The following EMB variants were observed in gnomAD, a reference collection of about 807,000 sequenced individuals.
EMB encodes the protein embigin homolog.
A neutral mutation model predicts 41.4 loss-of-function variants in EMB; 31 were observed. That is an observed-to-expected ratio of 0.75 (90% CI 0.56 to 1.01). EMB has a LOEUF of 1.01. Ranked by LOEUF, EMB falls within the 50% of genes least tolerant of loss-of-function variation. The pLI is 0.00. For missense variants in EMB, 379 were observed against 388.3 expected (o/e 0.98, Z 0.20); for synonymous variants, 137 against 140.4 (o/e 0.98, Z 0.17).
intron 4 of EMB, among the ~76,000 whole-genome samples, chr5:50,410,321 C>T (rs1241827299): frequency 3.9e-5 from 6 of 151,942 alleles, no homozygotes; most frequent in African/African-American, 1.2e-4. Flanking sequence ...ATGATGGTAA[C>T]AGTAAAATAT....
intron 6 of EMB, among the ~76,000 whole-genome samples, chr5:50,402,715 G>A (rs1452751290): frequency 3.3e-5 from 5 of 151,754 alleles, no homozygotes; most frequent in Admixed American, 2.6e-4. Flanking sequence ...TCTCTTTAAT[G>A]AGAACTCTGG....
At chr5:50,438,105 A>G (rs1202133326) in intron 1 of EMB, among the ~76,000 whole-genome samples, 1 of 152,138 alleles carries the variant, frequency 6.6e-6, no homozygotes, top group Non-Finnish European at 1.5e-5. Flanking sequence ...GACATTTCCA[A>G]TTAGCTCGGA....
At chr5:50,428,261 T>C in intron 1 of EMB, 34 bp from the exon 2 acceptor site, 1 of 1,490,768 alleles carries the variant, frequency 6.7e-7, no homozygotes, top group East Asian at 2.3e-5. Flanking sequence ...TACACACTCT[T>C]ATCAAGAGTA....
intron 2 of EMB, among the ~76,000 whole-genome samples, chr5:50,421,036 A>C (rs1745512786): frequency 6.6e-6 from 1 of 152,170 alleles, no homozygotes; most frequent in Non-Finnish European, 1.5e-5. Context: ...TATAACTCAA[A>C]CACAAATATC....
chr5:50,414,072 A>G (rs1745388507), intron 2 of EMB, among the ~76,000 whole-genome samples: 2 of 152,204 alleles, frequency 1.3e-5, no homozygotes, highest in Admixed American at 1.3e-4. Context: ...AAATCAGAAT[A>G]GTGGTAATTA....
At chr5:50,421,442 T>C (rs1387444757) in intron 2 of EMB, among the ~76,000 whole-genome samples, 1 of 152,110 alleles carries the variant, frequency 6.6e-6, no homozygotes, top group Non-Finnish European at 1.5e-5. Context: ...TTTACACTGT[T>C]GGTGGGACTG....
At chr5:50,421,311 C>T (rs1256676557) in intron 2 of EMB, among the ~76,000 whole-genome samples, 1 of 152,048 alleles carries the variant, frequency 6.6e-6, no homozygotes, top group Non-Finnish European at 1.5e-5. Flanking sequence ...TCATCACTGG[C>T]CATCAGAGAA....
At chr5:50,406,413 A>T (rs73108318) in intron 4 of EMB, among the ~76,000 whole-genome samples, 3,778 of 150,548 alleles carry the variant, frequency 0.025, 156 homozygotes, top group African/African-American at 0.086. Context: ...GGTTTTGTAA[A>T]ATATATATAT....
intron 2 of EMB, among the ~76,000 whole-genome samples, chr5:50,424,329 T>C (rs1401964478): frequency 1.3e-5 from 2 of 152,218 alleles, no homozygotes; most frequent in Non-Finnish European, 2.9e-5. Flanking sequence ...CATTTTTACT[T>C]GCAGAATTAA....
Position 50,418,636 on chromosome 5 carries a change from G to A in EMB, c.197-7253C>T, listed in dbSNP as rs115758902. On this transcript the variant is annotated intron_variant, in intron 2 of 8. Coordinates refer to ENST00000303221, the MANE Select transcript of EMB (RefSeq NM_198449.3). ...CCATGTGCTTTTCATTTATCCACTC[G>A]TTCAACAATTTTACTAAAAATATAT... 1.7e-3 allele frequency among the ~76,000 whole-genome samples: 265 copies of A among 152,128 alleles called. 1 individual carries two copies. The highest frequency in any genetic ancestry group is 6.1e-3 in the African/African-American group (253 of 41,500).
Position 50,411,368 on chromosome 5 carries a change from G to A in EMB, c.212C>T (p.Pro71Leu). The change falls in exon 3 of 9, where the codon CCA (proline) becomes CTA (leucine). Residue 71 changes from proline to leucine, a missense_variant. Physicochemically the swap from Pro to Leu is moderately conservative, Grantham distance 98. Coordinates refer to ENST00000303221, the MANE Select transcript of EMB (RefSeq NM_198449.3). ...TTCTAAAGTGATATTTTTTTCTACTGGCATACTAGAATGTTCTATTAGCAC... is the reference window on the plus strand; with the variant it reads ...TTCTAAAGTGATATTTTTTTCTACTAGCATACTAGAATGTTCTATTAGCAC... ...NISLTEHSSM[P>L]VEKNITLERP... 1.3e-6 allele frequency: 2 copies of A among 1,598,146 alleles called. No individual in the cohort carries two copies. Among genetic ancestry groups the A allele is most frequent in the Non-Finnish European group, 1.7e-6 (2 of 1,171,424 alleles).
chr5:50,421,611 C>A (rs1259943846), intron 2 of EMB, among the ~76,000 whole-genome samples: 1 of 151,920 alleles, frequency 6.6e-6, no homozygotes, highest in Non-Finnish European at 1.5e-5. Context: ...TTTATTGTGG[C>A]ACTATTCACA....
At chr5:50,409,540 AT>A (rs961611077) in intron 4 of EMB, among the ~76,000 whole-genome samples, 1 of 151,870 alleles carries the variant, frequency 6.6e-6, no homozygotes, top group African/African-American at 2.4e-5. Flanking sequence ...GTTTAGTATT[AT>A]TTTTTGCTCA....
chr5:50,401,164 G>C (rs562346885), intron 7 of EMB, among the ~76,000 whole-genome samples: 1 of 152,160 alleles, frequency 6.6e-6, no homozygotes, highest in East Asian at 1.9e-4. Context: ...AACTATGGGA[G>C]TCTATGATTC....
intron 2 of EMB, among the ~76,000 whole-genome samples, chr5:50,419,606 C>A (rs1455513695): frequency 1.3e-5 from 2 of 149,644 alleles, no homozygotes; most frequent in Non-Finnish European, 3.0e-5. Context: ...AGTGTTGCTA[C>A]AATTAGTGAA....
intron 7 of EMB, among the ~76,000 whole-genome samples, chr5:50,400,182 G>A (rs3950453): frequency 3.9e-5 from 6 of 152,020 alleles, no homozygotes; most frequent in African/African-American, 9.7e-5. Context: ...GGACTTGGGC[G>A]TAAAGACCAT....
At chr5:50,432,418 G>A (rs1426366759) in intron 1 of EMB, among the ~76,000 whole-genome samples, 2 of 151,760 alleles carry the variant, frequency 1.3e-5, no homozygotes, top group Non-Finnish European at 2.9e-5. Flanking sequence ...AACACTGATA[G>A]GAATGAATAT....
At chr5:50,420,068 A>C (rs1208299332) in intron 2 of EMB, among the ~76,000 whole-genome samples, 1 of 152,136 alleles carries the variant, frequency 6.6e-6, no homozygotes, top group Non-Finnish European at 1.5e-5. Flanking sequence ...AAAAGAGCTA[A>C]TGCATGCTGG....
At chr5:50,429,762 T>G (rs759440889) in intron 1 of EMB, among the ~76,000 whole-genome samples, 1 of 152,144 alleles carries the variant, frequency 6.6e-6, no homozygotes, top group Non-Finnish European at 1.5e-5. Context: ...TAGGAAAATA[T>G]GTCCTGAGTT....
Sources: allele counts gnomAD v4.1 joint callset (sites outside exome capture counted in the v4.1 genomes callset), GRCh38; gene constraint gnomAD v4.1.1; transcripts MANE v1.5; gene names NCBI Gene and HGNC (gene_info 2026-07-23, HGNC 2026-07-21).